MDM2: variants seen among roughly 807,000 people sequenced by gnomAD.
MDM2 encodes the protein E3 ubiquitin-protein ligase Mdm2.
MDM2 carries 11 observed loss-of-function variants against 64.3 expected under a neutral mutation model. The ratio of observed to expected loss-of-function variants is 0.17; its 90% CI spans 0.11 to 0.28. The LOEUF is 0.28. MDM2 is among the 10% of genes least tolerant of loss of function. The pLI, the probability that MDM2 is intolerant of heterozygous loss-of-function variation, is 1.00. For missense variants in MDM2, 388 were observed against 577.1 expected (o/e 0.67, Z 3.36); for synonymous variants, 194 against 192.9 (o/e 1.01, Z -0.05).
rs573441053 is a variant in MDM2, at chr12:68,843,087, G to A, written c.*3238G>A. 6.3e-5 allele frequency: 14 copies of A among 221,306 alleles called. No homozygotes were observed. Among genetic ancestry groups the A allele is most frequent in the African/African-American group, 9.0e-5 (4 of 44,396 alleles). 13.7% of individuals were successfully genotyped at this position (221,306 alleles called of 1,614,324 possible). On this transcript the variant is annotated 3_prime_UTR_variant, in exon 11 of 11. Coordinates refer to ENST00000258149, the MANE Select transcript of MDM2 (RefSeq NM_002392.6). ...ATCTCAGTGCCTTTTGCAATTTGTT[G>A]TGTGGGTTTTTTTTTTTTTAAAGCC...
intron 5 of MDM2, among the ~76,000 whole-genome samples, chr12:68,822,365 A>G (rs73334694): frequency 0.13 from 10,820 of 83,840 alleles, 1,359 homozygotes; most frequent in African/African-American, 0.4. Context: ...TTATTGTTTT[A>G]AAGCTCTTTT....
downstream of MDM2, chr12:68,847,436 C>G (rs1343607808): frequency 7.3e-6 from 1 of 136,304 alleles, no homozygotes; most frequent in Admixed American, 7.5e-5. Context: ...TTGTAACATC[C>G]TTTTGTATCT....
At position 68,839,678 on chromosome 12, in the gene MDM2, T is replaced by G. The variant is rs762132706; in HGVS notation, c.1323T>G (p.Ile441Met). ...AATCTAGTTTGCCCCTTAATGCCAT[T>G]GAACCTTGTGTGATTTGTCAAGGTC... ...SVESSLPLNA[I>M]EPCVICQGRP... The change falls in exon 11 of 11, where the codon ATT (isoleucine) becomes ATG (methionine). Residue 441 changes from isoleucine to methionine, a missense_variant. Ile to Met is a conservative substitution (Grantham distance 10, BLOSUM62 1). This residue lies in a region of MDM2 where 138 missense variants were observed against 143.7 expected (regional missense o/e 0.96). Coordinates refer to ENST00000258149, the MANE Select transcript of MDM2 (RefSeq NM_002392.6). The G allele has an allele frequency of 9.9e-6, 16 of 1,613,610 alleles. No homozygotes were observed. The South Asian group carries it at 1.6e-4, about 17-fold the overall frequency.
At chr12:68,812,622 A>G (rs1295323981) in intron 2 of MDM2, among the ~76,000 whole-genome samples, 1 of 151,992 alleles carries the variant, frequency 6.6e-6, no homozygotes, top group Non-Finnish European at 1.5e-5. Flanking sequence ...TAGTTTTTAA[A>G]TTTTTTTTGT....
chr12:68,819,489 G>A (rs1439580093), intron 4 of MDM2, among the ~76,000 whole-genome samples: 1 of 152,054 alleles, frequency 6.6e-6, no homozygotes, highest in African/African-American at 2.4e-5. Flanking sequence ...CTGTTAATAA[G>A]TTTCTTTTTT....
At chr12:68,833,497 A>C (rs1000225981) in intron 8 of MDM2, among the ~76,000 whole-genome samples, 3 of 149,042 alleles carry the variant, frequency 2.0e-5, no homozygotes, top group Non-Finnish European at 4.4e-5. Context: ...TTTTGCGAAC[A>C]TTAGCCAAAA....
chr12:68,824,166 C>T, intron 5 of MDM2, 197 bp from the exon 6 acceptor site: 1 of 548,256 alleles, frequency 1.8e-6, no homozygotes, highest in Non-Finnish European at 3.2e-6. Context: ...CTTTACTCTT[C>T]TACATTAAAG....
chr12:68,824,705 C>T, intron 7 of MDM2, 54 bp downstream of exon 7: 1 of 1,165,356 alleles, frequency 8.6e-7, no homozygotes, highest in East Asian at 2.4e-5. Context: ...TATTCTTTCT[C>T]TAATGAAATT....
chr12:68,826,648 T>TAA (rs66535458), intron 7 of MDM2, among the ~76,000 whole-genome samples: 2 of 129,562 alleles, frequency 1.5e-5, no homozygotes, highest in South Asian at 4.9e-4. Flanking sequence ...GACTCCCTCT[T>TAA]AAAAAAAAAA....
At position 68,816,839 on chromosome 12, in the gene MDM2, A is replaced by T. The variant is rs2136121442; in HGVS notation, c.202A>T (p.Met68Leu). ...EVLFYLGQYI[M>L]TKRLYDEKQQ... ...TCTTTTTTATCTTGGCCAGTATATT[A>T]TGACTAAACGATTATATGATGAGAA... Residue 68 changes from methionine (M) to leucine (L), a missense_variant, in exon 4 of 11, where the codon ATG becomes TTG. Physicochemically the swap from Met to Leu is conservative, Grantham distance 15. Around this residue, in one of 5 missense-constraint regions of MDM2, gnomAD observed 24 missense variants for 87.8 expected, o/e 0.27. Coordinates refer to ENST00000258149, the MANE Select transcript of MDM2 (RefSeq NM_002392.6). 6.2e-7 allele frequency: 1 copy of T among 1,607,024 alleles called. No individual in the cohort carries two copies. The highest frequency in any genetic ancestry group is 1.3e-5 in the African/African-American group (1 of 74,716).
Position 68,843,698 on chromosome 12 carries a change from A to ACT in MDM2, c.*3866_*3867dup, listed in dbSNP as rs112584632. The ACT allele has an allele frequency of 4.8e-4, 103 of 215,524 alleles. No homozygotes were observed. Among genetic ancestry groups the ACT allele is most frequent in the Middle Eastern group, 1.4e-3 (1 of 706 alleles). The allele number at this position is 215,524 out of a possible 1,614,324, so 13.4% of individuals were successfully genotyped here. On this transcript the variant is annotated 3_prime_UTR_variant, in exon 11 of 11. Transcript: ENST00000258149. Reference sequence around the variant, plus strand: ...ACTAATGGTACATTGTTGCTTCAAAACTCTCTCTCTCTCTCTCTGTCTGTC... The same window carrying ACT: ...ACTAATGGTACATTGTTGCTTCAAAACTCTCTCTCTCTCTCTCTCTGTCTGTC...
chr12:68,847,008 CAG>C (rs1220248007), downstream of MDM2: 3 of 151,246 alleles, frequency 2.0e-5, no homozygotes, highest in African/African-American at 7.3e-5. Flanking sequence ...TTTGCTGAGA[CAG>C]GGTCTCATTC....
chr12:68,838,958 GAC>G (rs1374067882), intron 10 of MDM2, among the ~76,000 whole-genome samples: 1 of 152,052 alleles, frequency 6.6e-6, no homozygotes, highest in Non-Finnish European at 1.5e-5. Flanking sequence ...GTGATGTTTT[GAC>G]ACACATGTAA....
chr12:68,838,529 TGTG>T (rs1883487712), intron 10 of MDM2, among the ~76,000 whole-genome samples: 1 of 152,182 alleles, frequency 6.6e-6, no homozygotes, highest in Non-Finnish European at 1.5e-5. Flanking sequence ...GCATTTCTCT[TGTG>T]GATGGAGTTA....
chr12:68,821,348 A>C (rs3730548), intron 5 of MDM2, among the ~76,000 whole-genome samples: 1 of 152,018 alleles, frequency 6.6e-6, no homozygotes, highest in African/African-American at 2.4e-5. Flanking sequence ...ACCCGGTCTC[A>C]CAGTTTGCTT....
At position 68,839,527 on chromosome 12, in the gene MDM2, C is replaced by T; in HGVS notation, c.1172C>T (p.Ala391Val). 2 of 1,613,890 alleles carry T rather than the reference C, an allele frequency of 1.2e-6. No individual in the cohort carries two copies. The highest frequency in any genetic ancestry group is 1.7e-5 in the Admixed American group (1 of 59,952). ...GAAAATGATGATAAAATTACACAAG[C>T]TTCACAATCACAAGAAAGTGAAGAC... ...VEENDDKITQ[A>V]SQSQESEDYS... The change falls in exon 11 of 11, where the codon GCT (alanine) becomes GTT (valine). Residue 391 changes from alanine (A) to valine (V), a missense_variant. Physicochemically the swap from Ala to Val is moderately conservative, Grantham distance 64 (BLOSUM62 0). This residue lies in a region of MDM2 where 138 missense variants were observed against 143.7 expected (regional missense o/e 0.96). Coordinates refer to ENST00000258149, the MANE Select transcript of MDM2 (RefSeq NM_002392.6).
At position 68,815,742 on chromosome 12, in the gene MDM2, G is replaced by A. The variant is rs376212393; in HGVS notation, c.175-1070G>A. The A allele has an allele frequency of 1.8e-4, 42 of 239,630 alleles. No homozygotes were observed. The East Asian group carries it at 3.9e-3, about 22-fold the overall frequency. 14.8% of individuals were successfully genotyped at this position (239,630 alleles called of 1,614,324 possible). On this transcript the variant is annotated intron_variant, in intron 3 of 10. Coordinates refer to ENST00000258149, the MANE Select transcript of MDM2 (RefSeq NM_002392.6). ...ACAGGTGTGAGCCACTGTGCCCAACGCAATTTCTTCATTTCTAATACAGTG... is the reference window on the plus strand; with the variant it reads ...ACAGGTGTGAGCCACTGTGCCCAACACAATTTCTTCATTTCTAATACAGTG...
chr12:68,811,150 TCA>T (rs1479543686), intron 2 of MDM2, among the ~76,000 whole-genome samples: 1 of 152,130 alleles, frequency 6.6e-6, no homozygotes, highest in Admixed American at 6.5e-5. Context: ...CAGGCGTGAA[TCA>T]CTGCACCAGG....
rs772360712 is a variant in MDM2, at chr12:68,808,372, G to C, written c.-106G>C. The stretch of plus-strand genomic sequence containing the variant: ...TACGAGCGCCCAGTGCCCTGGCCCG[G>C]AGAGTGGAATGATCCCCGAGGCCCA... On this transcript the variant is annotated 5_prime_UTR_variant, in exon 1 of 11. Transcript: ENST00000258149. The C allele has an allele frequency of 1.3e-6, 2 of 1,483,316 alleles. No homozygotes were observed. The highest frequency in any genetic ancestry group is 2.3e-5 in the East Asian group (1 of 43,746). The allele number at this position is 1,483,316 out of a possible 1,614,324, so 91.9% of individuals were successfully genotyped here.
Sources: gnomAD v4.1 joint callset for allele counts (sites outside exome capture counted in the v4.1 genomes callset) on GRCh38, gnomAD v4.1.1 for gene constraint, gnomAD v4.1.1 regional missense constraint, MANE v1.5 for transcripts, NCBI Gene and HGNC (gene_info 2026-07-23, HGNC 2026-07-21) for gene names.